The following SATB2 variants were observed in gnomAD, a reference collection of about 807,000 sequenced individuals.
SATB2 encodes the protein DNA-binding protein SATB2.
A neutral mutation model predicts 73.4 loss-of-function variants in SATB2; 1 was observed. The ratio of observed to expected loss-of-function variants is 0.01; its 90% CI spans 0.00 to 0.06. The LOEUF is 0.06. Ranked by LOEUF, SATB2 falls within the 10% of genes least tolerant of loss-of-function variation. SATB2 has a pLI of 1.00. For missense variants in SATB2, 459 were observed against 945.8 expected, an observed-to-expected ratio of 0.49 and a Z score of 6.75; for synonymous variants, 397 against 367.0, an observed-to-expected ratio of 1.08 and a Z score of -0.93.
At position 199,464,016 on chromosome 2, in the gene SATB2, C is replaced by A. The variant is rs1343075880; in HGVS notation, c.-141+820G>T. ...AAAGCCCGCTGCGGGACCCACGGTC[C>A]CAGACACCTACTGGAGCCAGGGACG... On this transcript the variant is annotated intron_variant, in intron 1 of 11. Coordinates refer to the SATB2 transcript ENST00000260926. This position sits in a 1 kb window ranked among gnomAD's most constrained non-coding sequence, Gnocchi z 6.6. 2.0e-5 allele frequency among the ~76,000 whole-genome samples: 3 copies of A among 152,176 alleles called. No homozygotes were observed. Among genetic ancestry groups the A allele is most frequent in the Admixed American group, 6.5e-5 (1 of 15,284 alleles).
rs1049977983 is a variant in SATB2, at chr2:199,429,825, G to A, written c.346+3513C>T. ...TTTGGGAGCCTAAGGCAGGAGAATC[G>A]CCTGAAACCGGCAGGCAGAGGTTGC... On this transcript the variant is annotated intron_variant, in intron 3 of 10. Coordinates refer to ENST00000417098, the MANE Select transcript of SATB2 (RefSeq NM_001172509.2). Among the ~76,000 whole-genome samples the A allele has an allele frequency of 9.2e-5, 14 of 152,294 alleles. No individual in the cohort carries two copies. In the South Asian group the frequency reaches 2.3e-3, roughly 25 times the overall value.
intron 5 of SATB2, among the ~76,000 whole-genome samples, chr2:199,377,778 T>C (rs192541822): frequency 1.3e-5 from 2 of 152,058 alleles, no homozygotes; most frequent in East Asian, 3.9e-4. Context: ...ACCTGAAATA[T>C]TTTAGATGAC....
upstream of SATB2, among the ~76,000 whole-genome samples, chr2:199,462,355 C>T (rs1692494635): frequency 6.6e-6 from 1 of 152,244 alleles, no homozygotes; most frequent in South Asian, 2.1e-4. This position sits in a 1 kb window ranked among gnomAD's most constrained non-coding sequence, Gnocchi z 5.9. Context: ...GGAGAGTTGG[C>T]GACCAACACT....
intron 5 of SATB2, among the ~76,000 whole-genome samples, chr2:199,369,906 G>A (rs79440123): frequency 0.026 from 3,935 of 152,128 alleles, 178 homozygotes; most frequent in African/African-American, 0.091. Context: ...AACCTCTTTC[G>A]CAGATGGTTA....
At chr2:199,466,169 A>T (rs369964427), upstream of SATB2, among the ~76,000 whole-genome samples, 18 of 152,248 alleles carry the variant, frequency 1.2e-4, no homozygotes, top group South Asian at 1.9e-3. Flanking sequence ...GCACATTCCA[A>T]GTGAAGGACG....
chr2:199,284,404 A>C (rs1331404087), intron 10 of SATB2, among the ~76,000 whole-genome samples: 1 of 152,214 alleles, frequency 6.6e-6, no homozygotes, highest in Non-Finnish European at 1.5e-5. Flanking sequence ...CTAACCATTA[A>C]GAAACTACCA....
intron 2 of SATB2, among the ~76,000 whole-genome samples, chr2:199,448,134 T>G (rs1692018024): frequency 6.6e-6 from 1 of 152,194 alleles, no homozygotes; most frequent in Non-Finnish European, 1.5e-5. Flanking sequence ...CAAAAAATAA[T>G]ATTTCAAAAA....
chr2:199,420,686 A>C (rs1488441947), intron 3 of SATB2, among the ~76,000 whole-genome samples: 1 of 152,162 alleles, frequency 6.6e-6, no homozygotes, highest in Non-Finnish European at 1.5e-5. Context: ...ATTCCTCCTT[A>C]ATAAGATGGA....
chr2:199,380,222 CA>C (rs1489423596), intron 5 of SATB2, 141 bp downstream of exon 5: 1 of 1,109,366 alleles, frequency 9.0e-7, no homozygotes, highest in Non-Finnish European at 1.4e-6. Context: ...CCAGAAGCAA[CA>C]TAATCTTTTA....
At chr2:199,341,640 T>C (rs959541331) in intron 7 of SATB2, among the ~76,000 whole-genome samples, 3 of 152,220 alleles carry the variant, frequency 2.0e-5, no homozygotes, top group African/African-American at 7.2e-5. Context: ...ATAATACTGA[T>C]AATATTTTCA....
upstream of SATB2, among the ~76,000 whole-genome samples, chr2:199,462,662 C>T (rs1692502754): frequency 6.6e-6 from 1 of 152,178 alleles, no homozygotes; most frequent in African/African-American, 2.4e-5. The surrounding 1 kb of genome is among the most constrained non-coding windows in gnomAD (Gnocchi z 5.9). Flanking sequence ...CTCAGGGGGT[C>T]TGGGCGGGGG....
At chr2:199,454,382 A>T (rs182794350) in intron 2 of SATB2, among the ~76,000 whole-genome samples, 41 of 152,244 alleles carry the variant, frequency 2.7e-4, no homozygotes, top group Non-Finnish European at 8.8e-5. Context: ...AGCACTTAGC[A>T]TATCTCATAA....
chr2:199,382,336 C>A (rs1206499141), intron 3 of SATB2, among the ~76,000 whole-genome samples: 1 of 152,128 alleles, frequency 6.6e-6, no homozygotes, highest in Admixed American at 6.5e-5. Flanking sequence ...CCCATATCTG[C>A]GTTTCAGCAG....
intron 2 of SATB2, among the ~76,000 whole-genome samples, chr2:199,435,559 G>T (rs543725002): frequency 3.3e-5 from 5 of 152,182 alleles, no homozygotes; most frequent in African/African-American, 4.8e-5. Flanking sequence ...GGCCAGGCTG[G>T]TCTCGAACTC....
Position 199,304,671 on chromosome 2 carries a change from T to C in SATB2, c.1740+4089A>G, listed in dbSNP as rs559879663. ...CAATGCTGGTCCAACTGTGGATTCATGATGTGACAGGATCTAGCTTACGAA... is the reference window on the plus strand; with the variant it reads ...CAATGCTGGTCCAACTGTGGATTCACGATGTGACAGGATCTAGCTTACGAA... On this transcript the variant is annotated intron_variant, in intron 10 of 10. Transcript: ENST00000417098. Among the ~76,000 whole-genome samples the C allele has an allele frequency of 2.0e-5, 3 of 152,298 alleles. No individual in the cohort carries two copies. The South Asian group carries it at 6.2e-4, about 32-fold the overall frequency.
intron 7 of SATB2, among the ~76,000 whole-genome samples, chr2:199,336,088 T>C (rs998477005): frequency 2.0e-5 from 3 of 152,188 alleles, no homozygotes; most frequent in Non-Finnish European, 2.9e-5. Flanking sequence ...TGTTTGTTTG[T>C]TTGTTTTTGC....
intron 3 of SATB2, among the ~76,000 whole-genome samples, chr2:199,411,497 A>G (rs888197573): frequency 1.3e-5 from 2 of 152,218 alleles, no homozygotes; most frequent in African/African-American, 2.4e-5. Context: ...TGCTATGAAC[A>G]TTGTTTGGAT....
intron 10 of SATB2, among the ~76,000 whole-genome samples, chr2:199,292,731 C>G (rs1182031916): frequency 6.6e-6 from 1 of 152,136 alleles, no homozygotes; most frequent in East Asian, 1.9e-4. Flanking sequence ...CCTTGCCACT[C>G]AGCATCTGGA....
chr2:199,316,742 C>T (rs1687746223), intron 9 of SATB2, among the ~76,000 whole-genome samples: 1 of 152,014 alleles, frequency 6.6e-6, no homozygotes, highest in Admixed American at 6.6e-5. Flanking sequence ...AGCTATTTAA[C>T]AGTATGGAGA....
Sources: allele counts gnomAD v4.1 joint callset (sites outside exome capture counted in the v4.1 genomes callset), GRCh38; gene constraint gnomAD v4.1.1; non-coding constraint Gnocchi (gnomAD v3.1); transcripts MANE v1.5; gene names NCBI Gene and HGNC (gene_info 2026-07-23, HGNC 2026-07-21).